Variants in RBFOX1 observed in about 807,000 individuals in gnomAD.
RBFOX1 encodes the protein RNA binding protein fox-1 homolog 1.
RBFOX1 carries 8 observed loss-of-function variants against 57.7 expected under a neutral mutation model. The ratio of observed to expected loss-of-function variants is 0.14; its 90% confidence interval spans 0.08 to 0.25. The LOEUF (loss-of-function observed/expected upper bound fraction) is 0.25. Among genes scored for constraint, RBFOX1 ranks in the 10% least tolerant of loss-of-function variants. The pLI is 1.00. For synonymous variants in RBFOX1, 326 were observed against 222.4 expected (o/e 1.47, Z -4.15); for missense variants, 611 against 548.5 (o/e 1.11, Z -1.14).
At chr16:6,057,385 C>T (rs114416213) in intron 1 of RBFOX1, among the ~76,000 whole-genome samples, 1 of 151,980 alleles carries the variant, frequency 6.6e-6, no homozygotes, top group African/African-American at 2.4e-5. Flanking sequence ...TAATCCTATT[C>T]TAATATCAGA....
At chr16:6,904,201 A>C (rs185779498) in intron 3 of RBFOX1, among the ~76,000 whole-genome samples, 1 of 152,222 alleles carries the variant, frequency 6.6e-6, no homozygotes, top group Non-Finnish European at 1.5e-5. Context: ...ATCTTAACAC[A>C]TTGCATGCAC....
At chr16:7,100,323 T>A (rs2062458885) in intron 4 of RBFOX1, among the ~76,000 whole-genome samples, 1 of 152,318 alleles carries the variant, frequency 6.6e-6, no homozygotes, top group Non-Finnish European at 1.5e-5. Flanking sequence ...AAAGTCATAT[T>A]TGGACATTAT....
At chr16:5,276,388 A>G (rs2063141031) in intron 1 of RBFOX1, among the ~76,000 whole-genome samples, 1 of 152,268 alleles carries the variant, frequency 6.6e-6, no homozygotes, top group Non-Finnish European at 1.5e-5. Context: ...AGTTCCCAAA[A>G]GAAGATACAC....
At chr16:5,741,566 A>G (rs537392633) in intron 3 of RBFOX1, among the ~76,000 whole-genome samples, 18 of 152,316 alleles carry the variant, frequency 1.2e-4, no homozygotes, top group Admixed American at 6.5e-4. Context: ...ATTAAAGGAG[A>G]TGTAAAAACA....
Position 6,354,983 on chromosome 16 carries a change from TA to T in RBFOX1, c.-64+37927del, listed in dbSNP as rs1456549570. Among the ~76,000 whole-genome samples, 8 of 152,278 alleles carry T rather than the reference TA, an allele frequency of 5.3e-5. No homozygotes were observed. The East Asian group carries it at 1.5e-3, about 29-fold the overall frequency. On this transcript the variant is annotated intron_variant, in intron 2 of 15. Coordinates refer to ENST00000550418, the MANE Select transcript of RBFOX1 (RefSeq NM_018723.4). Reference sequence around the variant, plus strand: ...AAAGCCATAGGTAGTTGCAGGTTATTACAGGTTTTCTTCCTCTGACAGCCCA... The same window carrying T: ...AAAGCCATAGGTAGTTGCAGGTTATTCAGGTTTTCTTCCTCTGACAGCCCA...
intron 3 of RBFOX1, among the ~76,000 whole-genome samples, chr16:6,671,587 A>G (rs1377006218): frequency 7.2e-5 from 11 of 151,940 alleles, no homozygotes; most frequent in African/African-American, 1.7e-4. Flanking sequence ...TCTGAACCCA[A>G]TTTGTAGTTT....
chr16:6,297,340 T>C (rs1042257587), intron 1 of RBFOX1, among the ~76,000 whole-genome samples: 1 of 152,108 alleles, frequency 6.6e-6, no homozygotes, highest in African/African-American at 2.4e-5. Flanking sequence ...ATGGAGTTGC[T>C]CTGGTTCACA....
intron 3 of RBFOX1, among the ~76,000 whole-genome samples, chr16:6,702,990 A>T (rs8054832): frequency 0.091 from 13,876 of 152,164 alleles, 975 homozygotes; most frequent in African/African-American, 0.2. Context: ...TCGATGTTCT[A>T]GGTACGTTAT....
chr16:7,029,639 G>T (rs1042188036), intron 3 of RBFOX1, among the ~76,000 whole-genome samples: 1 of 152,070 alleles, frequency 6.6e-6, no homozygotes, highest in African/African-American at 2.4e-5. Flanking sequence ...AAGGGTATGA[G>T]ATTTGAAATG....
chr16:6,662,468 A>G (rs1250244678), intron 3 of RBFOX1, among the ~76,000 whole-genome samples: 1 of 152,230 alleles, frequency 6.6e-6, no homozygotes, highest in Non-Finnish European at 1.5e-5. Flanking sequence ...GAAGAGGAAC[A>G]CATTTTCCTG....
chr16:6,483,602 G>T (rs2095410866), intron 2 of RBFOX1: 2 of 1,510,638 alleles, frequency 1.3e-6, no homozygotes, highest in Non-Finnish European at 8.9e-7. Flanking sequence ...AAGAGGGAGA[G>T]AGGGAGGGAG....
intron 4 of RBFOX1, among the ~76,000 whole-genome samples, chr16:7,367,102 A>G (rs1368223250): frequency 1.3e-5 from 2 of 151,256 alleles, no homozygotes; most frequent in Non-Finnish European, 2.9e-5. Context: ...TCAGTGAATC[A>G]TGAAATACTG....
intron 2 of RBFOX1, among the ~76,000 whole-genome samples, chr16:6,477,786 A>G (rs1567366128): frequency 6.6e-6 from 1 of 152,178 alleles, no homozygotes; most frequent in Non-Finnish European, 1.5e-5. Context: ...TCTACACTGA[A>G]AATCTGTCAT....
chr16:7,577,668 C>T (rs2093442112), intron 5 of RBFOX1, among the ~76,000 whole-genome samples: 2 of 152,212 alleles, frequency 1.3e-5, no homozygotes, highest in African/African-American at 4.8e-5. Context: ...GAGGCAGAGG[C>T]AGAGGCAGGA....
chr16:7,452,929 G>A (rs2057667533), intron 4 of RBFOX1, among the ~76,000 whole-genome samples: 1 of 152,034 alleles, frequency 6.6e-6, no homozygotes. Flanking sequence ...AGGAGTTAGA[G>A]AACAGCCTGG....
chr16:6,037,154 T>A (rs2095375824), intron 1 of RBFOX1: 2 of 152,236 alleles, frequency 1.3e-5, no homozygotes, highest in Non-Finnish European at 2.9e-5. Context: ...TAAAGTCCAA[T>A]TATTTAGAAA....
chr16:5,419,314 T>A (rs2067246516), intron 1 of RBFOX1, among the ~76,000 whole-genome samples: 2 of 152,114 alleles, frequency 1.3e-5, no homozygotes, highest in South Asian at 2.1e-4. Flanking sequence ...GTCCCAAAGC[T>A]GAAGAACTTG....
At chr16:6,431,978 T>A (rs530377089) in intron 2 of RBFOX1, among the ~76,000 whole-genome samples, 1 of 150,632 alleles carries the variant, frequency 6.6e-6, no homozygotes, top group Non-Finnish European at 1.5e-5. Context: ...TTTTTTGAAA[T>A]AGAGACAGGG....
intron 2 of RBFOX1, among the ~76,000 whole-genome samples, chr16:6,573,315 A>C (rs983748900): frequency 6.6e-6 from 1 of 152,122 alleles, no homozygotes; most frequent in Non-Finnish European, 1.5e-5. Flanking sequence ...CTCCCCTAGA[A>C]AGTAAGAAAC....
Sources: gnomAD v4.1 joint callset for allele counts (sites outside exome capture counted in the v4.1 genomes callset) on GRCh38, gnomAD v4.1.1 for gene constraint, MANE v1.5 for transcripts, NCBI Gene and HGNC (gene_info 2026-07-23, HGNC 2026-07-21) for gene names.